The following PTPN4 variants were observed in gnomAD, a reference collection of about 807,000 sequenced individuals.
The protein encoded by PTPN4 is protein tyrosine phosphatase non-receptor type 4.
In PTPN4, 49 loss-of-function variants were observed where a neutral mutation model predicts 135.5. That is an observed-to-expected ratio of 0.36 (90% CI 0.29 to 0.46). The LOEUF (loss-of-function observed/expected upper bound fraction) is 0.46, where lower values mean the gene tolerates loss of function less well. Among genes scored for constraint, PTPN4 ranks in the 20% least tolerant of loss-of-function variants. The pLI is 1.00. For synonymous variants in PTPN4, 333 were observed against 369.9 expected (o/e 0.90, Z 1.14); for missense variants, 860 against 1,101.0 (o/e 0.78, Z 3.10).
chr2:119,934,407 A>C (rs1292106004), intron 14 of PTPN4, among the ~76,000 whole-genome samples: 2 of 152,234 alleles, frequency 1.3e-5, no homozygotes. Context: ...TAAGGCTTCA[A>C]AGAAAGTCCC....
chr2:119,865,882 G>GT (rs937593171), intron 3 of PTPN4, among the ~76,000 whole-genome samples: 1 of 151,892 alleles, frequency 6.6e-6, no homozygotes. Context: ...CTAGCATTTT[G>GT]TTTTTTTCTC....
chr2:119,963,422 C>G (rs1679400213), intron 24 of PTPN4, among the ~76,000 whole-genome samples: 2 of 152,178 alleles, frequency 1.3e-5, no homozygotes, highest in African/African-American at 2.4e-5. Context: ...CTAGCTATCC[C>G]CCTGCCACCA....
intron 9 of PTPN4, among the ~76,000 whole-genome samples, chr2:119,895,916 CAA>C (rs534245263): frequency 1.4e-4 from 15 of 111,014 alleles, no homozygotes; most frequent in Non-Finnish European, 1.2e-4. Context: ...GACTCTGTCT[CAA>C]AAAAAAAAAA....
intron 2 of PTPN4, among the ~76,000 whole-genome samples, chr2:119,847,197 GTA>G (rs35864114): frequency 1.4e-5 from 2 of 142,490 alleles, no homozygotes; most frequent in Admixed American, 7.1e-5. Flanking sequence ...AATATATAGA[GTA>G]TATATATACA....
chr2:119,889,053 G>A (rs188686826), intron 9 of PTPN4, among the ~76,000 whole-genome samples: 3 of 152,150 alleles, frequency 2.0e-5, no homozygotes, highest in Admixed American at 6.5e-5. Flanking sequence ...TGATTCAGTC[G>A]TGGTAGGTTA....
intron 1 of PTPN4, among the ~76,000 whole-genome samples, chr2:119,807,047 C>T (rs573198346): frequency 6.6e-5 from 10 of 152,260 alleles, no homozygotes; most frequent in South Asian, 4.1e-4. Flanking sequence ...AAAGACACAA[C>T]GTACCAGAAT....
chr2:119,951,364 CT>C (rs1334738528), intron 18 of PTPN4, among the ~76,000 whole-genome samples: 2 of 152,190 alleles, frequency 1.3e-5, no homozygotes, highest in African/African-American at 4.8e-5. Context: ...GCACTTTCAT[CT>C]TTTGTGATCA....
chr2:119,808,754 A>G (rs1012571997), intron 1 of PTPN4, among the ~76,000 whole-genome samples: 1 of 152,134 alleles, frequency 6.6e-6, no homozygotes, highest in African/African-American at 2.4e-5. Flanking sequence ...TTTACTTGGC[A>G]AGCGTCTCCT....
At chr2:119,958,803 A>G (rs1679325716) in intron 22 of PTPN4, among the ~76,000 whole-genome samples, 1 of 152,218 alleles carries the variant, frequency 6.6e-6, no homozygotes, top group African/African-American at 2.4e-5. Context: ...CTCATAGTCA[A>G]CAGCACTATA....
intron 11 of PTPN4, among the ~76,000 whole-genome samples, chr2:119,917,452 G>A (rs750451422): frequency 2.0e-5 from 3 of 152,144 alleles, no homozygotes; most frequent in Non-Finnish European, 4.4e-5. Context: ...ATGGTATACA[G>A]GCCAGGTGCG....
rs1447920165 is a variant in PTPN4, at chr2:119,982,851, C to G, written c.*5781C>G. On this transcript the variant is annotated 3_prime_UTR_variant, in exon 27 of 27. Transcript: ENST00000263708. ...TTCCCAATGTCTTGGACAGTTGAGACAACTTGGCCCAACTCTGAATTGTAG... is the reference window on the plus strand; with the variant it reads ...TTCCCAATGTCTTGGACAGTTGAGAGAACTTGGCCCAACTCTGAATTGTAG... 1 of 152,172 alleles carries G rather than the reference C, an allele frequency of 6.6e-6. No homozygotes were observed. The highest frequency in any genetic ancestry group is 1.5e-5 in the Non-Finnish European group (1 of 68,022). 9.4% of individuals were successfully genotyped at this position (152,172 alleles called of 1,614,324 possible). A position where few individuals can be genotyped will look rare whatever the true frequency, so the allele number is the denominator to read the frequency against.
intron 2 of PTPN4, among the ~76,000 whole-genome samples, chr2:119,843,698 G>A (rs1241494970): frequency 1.5e-5 from 1 of 66,434 alleles, no homozygotes; most frequent in South Asian, 6.9e-4. Context: ...AGGGGCGGCC[G>A]GGCAGAGGCG....
chr2:119,782,681 C>A (rs1471887121), intron 1 of PTPN4, among the ~76,000 whole-genome samples: 1 of 150,342 alleles, frequency 6.7e-6, no homozygotes, highest in Non-Finnish European at 1.5e-5. Context: ...AAAGAAAGAC[C>A]CCTGTGTTAG....
chr2:119,785,775 C>T (rs111997989), intron 1 of PTPN4, among the ~76,000 whole-genome samples: 4 of 151,894 alleles, frequency 2.6e-5, no homozygotes, highest in African/African-American at 7.2e-5. Context: ...TGAGTGCACA[C>T]GTGTGAGCAA....
chr2:119,882,937 T>C (rs1240973479), intron 8 of PTPN4, among the ~76,000 whole-genome samples: 1 of 152,164 alleles, frequency 6.6e-6, no homozygotes, highest in African/African-American at 2.4e-5. Flanking sequence ...TGCTTAGTAA[T>C]TCTTTCTCAG....
chr2:119,857,222 A>G (rs1677693090), intron 2 of PTPN4, among the ~76,000 whole-genome samples: 1 of 151,896 alleles, frequency 6.6e-6, no homozygotes, highest in Admixed American at 6.6e-5. Context: ...CTGCTTTTCA[A>G]GCTGCTTTTC....
intron 20 of PTPN4, among the ~76,000 whole-genome samples, 156 bp from the exon 21 acceptor site, chr2:119,956,688 T>C (rs1679292014): frequency 6.6e-6 from 1 of 152,216 alleles, no homozygotes; most frequent in African/African-American, 2.4e-5. Context: ...GCAAATCTGG[T>C]TCAGTACTCT....
chr2:119,920,268 T>G lies in PTPN4; in HGVS notation c.1001+27T>G, dbSNP rs775898270. 2.6e-6 allele frequency: 4 copies of G among 1,553,696 alleles called. No individual in the cohort carries two copies. In the East Asian group the frequency reaches 9.0e-5, roughly 35 times the overall value. ...TAAGTATTGCTTCTGTGTTAAGGCT[T>G]TATTGTTGGATTTTGTTTCCTTTCT... On this transcript the variant is annotated intron_variant, in intron 12 of 26. Coordinates refer to ENST00000263708, the MANE Select transcript of PTPN4 (RefSeq NM_002830.4).
At chr2:119,922,573 C>T (rs962459380) in intron 12 of PTPN4, among the ~76,000 whole-genome samples, 1 of 152,116 alleles carries the variant, frequency 6.6e-6, no homozygotes, top group Non-Finnish European at 1.5e-5. Flanking sequence ...TTGTTTGATT[C>T]ACTTTGCTAA....
Sources: allele counts gnomAD v4.1 joint callset (sites outside exome capture counted in the v4.1 genomes callset), GRCh38; gene constraint gnomAD v4.1.1; transcripts MANE v1.5; gene names NCBI Gene and HGNC (gene_info 2026-07-23, HGNC 2026-07-21).